The following COG5 variants were observed in gnomAD, a reference collection of about 807,000 sequenced individuals.
COG5 encodes the protein conserved oligomeric Golgi complex subunit 5.
In COG5, 86 loss-of-function variants were observed where a neutral mutation model predicts 110.4. The ratio of observed to expected loss-of-function variants is 0.78; its 90% CI spans 0.65 to 0.93. The LOEUF (loss-of-function observed/expected upper bound fraction) is 0.93. Ranked by LOEUF, COG5 falls within the 40% of genes least tolerant of loss-of-function variation. The pLI is 0.00. For synonymous variants in COG5, 360 were observed against 334.6 expected (o/e 1.08, Z -0.83); for missense variants, 1,077 against 987.0 (o/e 1.09, Z -1.22).
chr7:107,300,726 A>C (rs1807187047), intron 11 of COG5, among the ~76,000 whole-genome samples: 1 of 152,140 alleles, frequency 6.6e-6, no homozygotes, highest in Non-Finnish European at 1.5e-5. Context: ...GTTAAATGTA[A>C]ATTATCCCTA....
chr7:107,309,211 G>A (rs1368260146), intron 11 of COG5, among the ~76,000 whole-genome samples: 1 of 151,946 alleles, frequency 6.6e-6, no homozygotes, highest in East Asian at 1.9e-4. Context: ...TGCTGAAAAT[G>A]CTATCATATC....
chr7:107,277,328 T>A (rs1462479773), intron 14 of COG5, among the ~76,000 whole-genome samples: 1 of 152,208 alleles, frequency 6.6e-6, no homozygotes, highest in Admixed American at 6.5e-5. Flanking sequence ...TCGTGGGTTC[T>A]TAGTTTCTGT....
At chr7:107,207,189 C>G (rs1798844909) in intron 21 of COG5, among the ~76,000 whole-genome samples, 1 of 152,096 alleles carries the variant, frequency 6.6e-6, no homozygotes, top group South Asian at 2.1e-4. Flanking sequence ...GCAGTTAAGC[C>G]CAGGCTTTTC....
rs896441711 is a variant in COG5, at chr7:107,324,319, C to G, written c.1108+121G>C. The G allele has an allele frequency of 1.8e-5, 12 of 651,134 alleles. No homozygotes were observed. In the African/African-American group the frequency reaches 2.0e-4, roughly 11 times the overall value. 40.3% of individuals were successfully genotyped at this position (651,134 alleles called of 1,614,324 possible). On this transcript the variant is annotated intron_variant, in intron 11 of 21. Transcript: ENST00000297135. ...ACATCTAGACAAAATAACAATTAGCCAGGAATTTTAAAATAGCAATAAAAA... is the reference window on the plus strand; with the variant it reads ...ACATCTAGACAAAATAACAATTAGCGAGGAATTTTAAAATAGCAATAAAAA...
intron 6 of COG5, among the ~76,000 whole-genome samples, chr7:107,500,268 A>G (rs1798554243): frequency 1.3e-5 from 2 of 152,156 alleles, no homozygotes; most frequent in Admixed American, 6.5e-5. Context: ...TTTGCTGACA[A>G]ATTCTGCATT....
chr7:107,225,626 C>A (rs769233341), intron 19 of COG5, among the ~76,000 whole-genome samples: 1 of 152,222 alleles, frequency 6.6e-6, no homozygotes, highest in Non-Finnish European at 1.5e-5. Context: ...GGTCCTCCCA[C>A]CTTAGCCTAC....
chr7:107,214,615 A>T (rs1263524906), intron 19 of COG5, among the ~76,000 whole-genome samples: 1 of 152,220 alleles, frequency 6.6e-6, no homozygotes. Context: ...ATACAAGGTT[A>T]AAAACTATTA....
At chr7:107,563,508 G>A (rs1359070452) in intron 1 of COG5, 1 of 464,456 alleles carries the variant, frequency 2.2e-6, no homozygotes, top group Non-Finnish European at 3.9e-6. Flanking sequence ...GGTCCACAGG[G>A]TTTGGGCTCC....
chr7:107,414,742 T>TTTTTTTTTTTTTTTG (rs1792583050), intron 6 of COG5, among the ~76,000 whole-genome samples: 1 of 125,212 alleles, frequency 8.0e-6, no homozygotes, highest in Non-Finnish European at 1.7e-5. Context: ...TTTTTTTTTT[T>TTTTTTTTTTTTTTTG]TCCGAGACTC....
At chr7:107,207,873 G>T (rs1313655312) in intron 21 of COG5, 1 of 985,264 alleles carries the variant, frequency 1.0e-6, no homozygotes, top group African/African-American at 1.7e-5. Context: ...CATTTATTCA[G>T]CAGCAGTAGT....
At chr7:107,278,713 T>C (rs565927626) in intron 14 of COG5, among the ~76,000 whole-genome samples, 3 of 152,182 alleles carry the variant, frequency 2.0e-5, no homozygotes, top group South Asian at 2.1e-4. Flanking sequence ...ATAAATGGTG[T>C]TGGGAAAACT....
rs1430251068 is a variant in COG5, at chr7:107,430,763, G to A, written c.539-18131C>T. ...AGGATATCCAACAACCTAATCCTCA[G>A]AATTTGTGAAATGCTACCTTACATG... On this transcript the variant is annotated intron_variant, in intron 6 of 21. Coordinates refer to ENST00000297135, the MANE Select transcript of COG5 (RefSeq NM_006348.5). 2.0e-5 allele frequency among the ~76,000 whole-genome samples: 3 copies of A among 152,174 alleles called. No homozygotes were observed. The East Asian group carries it at 5.8e-4, about 29-fold the overall frequency.
At chr7:107,286,968 C>T (rs1805694141) in intron 12 of COG5, among the ~76,000 whole-genome samples, 1 of 152,066 alleles carries the variant, frequency 6.6e-6, no homozygotes, top group Admixed American at 6.6e-5. Context: ...AATATAAAGA[C>T]ATATCTCTAA....
chr7:107,481,095 G>C (rs1008214713), intron 6 of COG5, among the ~76,000 whole-genome samples: 2 of 152,068 alleles, frequency 1.3e-5, no homozygotes, highest in African/African-American at 4.8e-5. Flanking sequence ...TCAACTCCCT[G>C]CCACTATCAA....
intron 5 of COG5, among the ~76,000 whole-genome samples, chr7:107,529,016 T>G (rs1471782193): frequency 5.9e-5 from 2 of 33,706 alleles, no homozygotes; most frequent in African/African-American, 8.0e-4. Context: ...TAATCTGAAA[T>G]ACTTAAATAA....
intron 7 of COG5, among the ~76,000 whole-genome samples, chr7:107,388,315 G>A (rs746315157): frequency 2.0e-5 from 3 of 152,144 alleles, no homozygotes; most frequent in African/African-American, 4.8e-5. Flanking sequence ...CCCATGCTTT[G>A]CCTAGAGAAT....
Position 107,548,148 on chromosome 7 carries a change from T to C in COG5, c.380A>G (p.Lys127Arg), listed in dbSNP as rs762540828. Residue 127 changes from lysine (K) to arginine (R), a missense_variant, in exon 5 of 22, where the codon AAG becomes AGG. By Grantham distance (26) the Lys-to-Arg change is conservative. Coordinates refer to ENST00000297135, the MANE Select transcript of COG5 (RefSeq NM_006348.5). ...TAGTTGTGCAGTCCGGGCAACTATC[T>C]TATTGTATGGTTCAACAATTTTTGC... The part of the protein sequence containing the change: ...IKAKIVEPYN[K>R]IVARTAQLAR... 1.9e-6 allele frequency: 3 copies of C among 1,613,842 alleles called. No homozygotes were observed. The highest frequency in any genetic ancestry group is 2.5e-6 in the Non-Finnish European group (3 of 1,179,876).
chr7:107,229,686 T>C (rs575925003), intron 19 of COG5, among the ~76,000 whole-genome samples: 7 of 152,308 alleles, frequency 4.6e-5, no homozygotes, highest in Admixed American at 6.5e-5. Flanking sequence ...TGTTAGATCA[T>C]GAATATGAAT....
intron 6 of COG5, among the ~76,000 whole-genome samples, chr7:107,508,388 C>G (rs528851547): frequency 6.6e-6 from 1 of 152,336 alleles, no homozygotes; most frequent in South Asian, 2.1e-4. Flanking sequence ...CCCGAAGCTC[C>G]AACTGGGTGG....
Sources: allele counts gnomAD v4.1 joint callset (sites outside exome capture counted in the v4.1 genomes callset), GRCh38; gene constraint gnomAD v4.1.1; transcripts MANE v1.5; gene names NCBI Gene and HGNC (gene_info 2026-07-23, HGNC 2026-07-21).